The following CHD7 variants were observed in gnomAD, a reference collection of about 807,000 sequenced individuals.
The protein encoded by CHD7 is chromodomain helicase DNA binding protein 7.
A neutral mutation model predicts 307.3 loss-of-function variants in CHD7; 24 were observed. That is an observed-to-expected ratio of 0.08 (90% CI 0.06 to 0.11). The LOEUF (loss-of-function observed/expected upper bound fraction) is 0.11, where lower values mean the gene tolerates loss of function less well. Among genes scored for constraint, CHD7 ranks in the 10% least tolerant of loss-of-function variants. CHD7 has a pLI of 1.00. For synonymous variants in CHD7, 1,363 were observed against 1,349.9 expected, an observed-to-expected ratio of 1.01 and a Z score of -0.21; for missense variants, 3,106 against 3,727.1, an observed-to-expected ratio of 0.83 and a Z score of 4.34.
rs1447065081 is a variant in CHD7, at chr8:60,693,086, T to TCCTGG, written c.-175+14005_-175+14006insCTGGC. On this transcript the variant is annotated intron_variant, in intron 1 of 37. Transcript: ENST00000423902. ...GCACTGCAAGTCTGCGCTGGTGGTG[T>TCCTGG]CAGGTCCTGGCAACCCAGCTGATGG... is the stretch of plus-strand genomic sequence containing the variant. Among the ~76,000 whole-genome samples the TCCTGG allele has an allele frequency of 3.3e-5, 5 of 152,298 alleles. No individual in the cohort carries two copies. In the South Asian group the frequency reaches 1.0e-3, roughly 32 times the overall value.
At chr8:60,745,669 A>G (rs1384513947) in intron 2 of CHD7, among the ~76,000 whole-genome samples, 1 of 152,226 alleles carries the variant, frequency 6.6e-6, no homozygotes, top group East Asian at 1.9e-4. Context: ...CATCCTCTTC[A>G]GATTTTGAAA....
intron 6 of CHD7, 29 bp downstream of exon 6, chr8:60,801,622 G>C: frequency 6.8e-7 from 1 of 1,473,768 alleles, no homozygotes. Context: ...ATTAAAATCT[G>C]TGAGGTGTAT....
chr8:60,804,861 G>A (rs112068444), intron 6 of CHD7, among the ~76,000 whole-genome samples: 4 of 152,244 alleles, frequency 2.6e-5, no homozygotes, highest in African/African-American at 9.6e-5. Context: ...GACAAGTATG[G>A]CTTAATATGT....
chr8:60,764,108 C>A (rs1048028223), intron 2 of CHD7, among the ~76,000 whole-genome samples: 1 of 152,166 alleles, frequency 6.6e-6, no homozygotes, highest in Admixed American at 6.5e-5. Context: ...CCGCCTAAGC[C>A]TCCCGAGTAG....
intron 2 of CHD7, among the ~76,000 whole-genome samples, chr8:60,750,216 T>C (rs2150594974): frequency 6.6e-6 from 1 of 152,364 alleles, no homozygotes; most frequent in East Asian, 1.9e-4. Context: ...GGTGTCCCAA[T>C]TGATATTCTT....
At chr8:60,821,662 A>G (rs985447343) in intron 9 of CHD7, 128 bp from the exon 10 acceptor site, 29 of 663,446 alleles carry the variant, frequency 4.4e-5, no homozygotes, top group Non-Finnish European at 5.4e-5. Flanking sequence ...ACACATACAT[A>G]TATATGTATA....
intron 2 of CHD7, among the ~76,000 whole-genome samples, chr8:60,766,500 G>A (rs975076354): frequency 7.9e-5 from 12 of 152,302 alleles, no homozygotes; most frequent in African/African-American, 2.6e-4. Context: ...TAGACGGTAG[G>A]GCTAGCAACA....
intron 2 of CHD7, among the ~76,000 whole-genome samples, chr8:60,751,529 T>C (rs190378488): frequency 2.6e-5 from 4 of 152,356 alleles, no homozygotes; most frequent in Admixed American, 2.6e-4. Flanking sequence ...TAGTTACAGC[T>C]GTAAATCTAT....
At chr8:60,851,642 C>A (rs1805460365) in intron 28 of CHD7, among the ~76,000 whole-genome samples, 2 of 152,160 alleles carry the variant, frequency 1.3e-5, no homozygotes, top group Non-Finnish European at 2.9e-5. Context: ...AAAATATTTT[C>A]AGTTTATTTA....
intron 2 of CHD7, among the ~76,000 whole-genome samples, chr8:60,776,681 A>G (rs976725631): frequency 1.3e-5 from 2 of 152,164 alleles, no homozygotes; most frequent in Non-Finnish European, 2.9e-5. Flanking sequence ...TACCAAATGC[A>G]TCTTCTTTTT....
intron 2 of CHD7, among the ~76,000 whole-genome samples, chr8:60,780,465 G>A (rs1722311471): frequency 1.3e-5 from 2 of 152,144 alleles, no homozygotes; most frequent in South Asian, 4.1e-4. Flanking sequence ...TTTTAATGTT[G>A]TTTAAACCAG....
chr8:60,712,278 TTTG>T (rs1807315771), intron 1 of CHD7, among the ~76,000 whole-genome samples: 1 of 152,248 alleles, frequency 6.6e-6, no homozygotes, highest in Admixed American at 6.5e-5. Context: ...TTTTGAAATG[TTTG>T]TTGACTGAAC....
chr8:60,737,479 A>G (rs927335875), intron 1 of CHD7, among the ~76,000 whole-genome samples: 2 of 152,182 alleles, frequency 1.3e-5, no homozygotes, highest in African/African-American at 2.4e-5. Context: ...CATCTGTTAA[A>G]TGAGGAGGGG....
rs199675568 is a variant in CHD7 at position 60,823,860 on chromosome 8, C to T, written c.3222C>T (p.Ser1074=). Residue 1074 remains serine, a synonymous_variant, in exon 13 of 38, where the codon TCC becomes TCT. Coordinates refer to ENST00000423902, the MANE Select transcript of CHD7 (RefSeq NM_017780.4). ...TATAGGGTCGAGTGATAAAGGGGTC[C>T]TATAAGTTTCATGCCATCATCACTA... is the stretch of plus-strand genomic sequence containing the variant. The part of the protein sequence containing the change: ...KDPQGRVIKG[S]YKFHAIITTF... 541 of 1,613,670 alleles carry T rather than the reference C, an allele frequency of 3.4e-4. 2 individuals carry two copies. The highest frequency in any genetic ancestry group is 4.4e-4 in the Non-Finnish European group (518 of 1,179,686).
At position 60,787,830 on chromosome 8, in the gene CHD7, T is replaced by A. The variant is rs1191360025; in HGVS notation, c.2096+6400T>A. ...CTCGGTAACTTGTAGATTTTCTTTC[T>A]TTTTTTTTTTTTTTTTTTGAAACAG... On this transcript the variant is annotated intron_variant, in intron 3 of 37. Coordinates refer to ENST00000423902, the MANE Select transcript of CHD7 (RefSeq NM_017780.4). Among the ~76,000 whole-genome samples, 4 of 7,962 alleles carry A rather than the reference T, an allele frequency of 5.0e-4. No homozygotes were observed. In the South Asian group the frequency reaches 0.047, roughly 93 times the overall value. The allele number at this position is 7,962 out of a possible 152,430, so 5.2% of individuals were successfully genotyped here. A position where few individuals can be genotyped will look rare whatever the true frequency, so the allele number is the denominator to read the frequency against.
intron 1 of CHD7, among the ~76,000 whole-genome samples, chr8:60,720,699 G>A (rs769484346): frequency 1.4e-4 from 22 of 152,346 alleles, no homozygotes; most frequent in Non-Finnish European, 2.6e-4. Flanking sequence ...CAGTCTCAGG[G>A]ATTATTCCCA....
intron 1 of CHD7, among the ~76,000 whole-genome samples, chr8:60,686,077 CT>C (rs1441620830): frequency 1.3e-5 from 2 of 152,250 alleles, no homozygotes; most frequent in East Asian, 1.9e-4. Context: ...CCTCATGGGC[CT>C]TTCTGGTGGC....
At chr8:60,858,247 C>T (rs1805803274) in intron 34 of CHD7, among the ~76,000 whole-genome samples, 1 of 151,192 alleles carries the variant, frequency 6.6e-6, no homozygotes, top group Admixed American at 6.6e-5. Flanking sequence ...CAGAGTGAGA[C>T]TCTGTCTCAA....
At chr8:60,778,278 T>C (rs1811047591) in intron 2 of CHD7, among the ~76,000 whole-genome samples, 1 of 152,234 alleles carries the variant, frequency 6.6e-6, no homozygotes, top group Non-Finnish European at 1.5e-5. Flanking sequence ...GTAATATTTC[T>C]GAGCACCTTT....
Sources: gnomAD v4.1 joint callset for allele counts (sites outside exome capture counted in the v4.1 genomes callset) on GRCh38, gnomAD v4.1.1 for gene constraint, MANE v1.5 for transcripts, NCBI Gene and HGNC (gene_info 2026-07-23, HGNC 2026-07-21) for gene names.